Variants in CCDC30 observed in about 807,000 individuals in gnomAD.
The protein encoded by CCDC30 is coiled-coil domain-containing protein 30.
CCDC30 carries 70 observed loss-of-function variants against 100.2 expected under a neutral mutation model. The observed-to-expected ratio is 0.70, with a 90% CI of 0.58 to 0.85. CCDC30 has a LOEUF of 0.85. Ranked by LOEUF, CCDC30 falls within the 40% of genes least tolerant of loss-of-function variation. CCDC30 has a pLI of 0.00. For missense variants in CCDC30, 652 were observed against 771.2 expected (o/e 0.85, Z 1.83); for synonymous variants, 233 against 269.5 (o/e 0.86, Z 1.33).
intron 3 of CCDC30, among the ~76,000 whole-genome samples, chr1:42,489,386 T>A (rs1310722905): frequency 1.3e-5 from 2 of 152,202 alleles, no homozygotes; most frequent in Admixed American, 1.3e-4. Flanking sequence ...ATTGCTATAG[T>A]TAGGAATGCA....
intron 6 of CCDC30, among the ~76,000 whole-genome samples, chr1:42,552,558 T>C (rs1371845799): frequency 6.6e-6 from 1 of 152,132 alleles, no homozygotes; most frequent in Non-Finnish European, 1.5e-5. Context: ...CACCAATTCA[T>C]GGATTTTCCA....
intron 15 of CCDC30, among the ~76,000 whole-genome samples, chr1:42,647,355 T>C (rs553593020): frequency 2.6e-5 from 4 of 152,300 alleles, no homozygotes; most frequent in African/African-American, 9.6e-5. Flanking sequence ...GTAACCTATA[T>C]AATGATAAAA....
intron 6 of CCDC30, among the ~76,000 whole-genome samples, chr1:42,561,254 C>T (rs143540353): frequency 2.7e-4 from 41 of 152,280 alleles, no homozygotes; most frequent in African/African-American, 9.9e-4. Flanking sequence ...AAAACTTATC[C>T]ACCACAATTA....
chr1:42,611,210 T>C, intron 11 of CCDC30, 120 bp downstream of exon 15: 1 of 554,552 alleles, frequency 1.8e-6, no homozygotes, highest in South Asian at 2.9e-5. Context: ...AGGGCCATCA[T>C]AAAATTCCTA....
the CCDC30 span, chr1:42,456,502 A>C: frequency 7.1e-7 from 1 of 1,417,820 alleles, no homozygotes; most frequent in Non-Finnish European, 9.2e-7. Flanking sequence ...TACACCAGGT[A>C]GGCGAGAAGG....
At chr1:42,520,977 T>C (rs1644633641) in intron 6 of CCDC30, among the ~76,000 whole-genome samples, 1 of 96,650 alleles carries the variant, frequency 1.0e-5, no homozygotes, top group South Asian at 4.6e-4. Context: ...TTTTCTTTTT[T>C]CTTTTTTTTT....
At chr1:42,592,358 GC>G (rs1436189827) in intron 10 of CCDC30, 1 of 152,094 alleles carries the variant, frequency 6.6e-6, no homozygotes, top group Admixed American at 6.6e-5. Context: ...CTCATTAATG[GC>G]CTGGTGCTGT....
chr1:42,631,223 A>G (rs942403059), intron 11 of CCDC30, among the ~76,000 whole-genome samples: 2 of 152,212 alleles, frequency 1.3e-5, no homozygotes, highest in Non-Finnish European at 2.9e-5. Context: ...TGGTAGAGGT[A>G]CTGCCTTAAT....
At chr1:42,619,326 C>T (rs574229712) in intron 11 of CCDC30, among the ~76,000 whole-genome samples, 7 of 152,256 alleles carry the variant, frequency 4.6e-5, no homozygotes, top group African/African-American at 7.2e-5. Flanking sequence ...CCTGCAAAAA[C>T]GCATTTAAGG....
At chr1:42,645,631 A>G (rs917880939) in intron 14 of CCDC30, among the ~76,000 whole-genome samples, 6 of 152,072 alleles carry the variant, frequency 3.9e-5, no homozygotes, top group Non-Finnish European at 8.8e-5. Flanking sequence ...GTTTGGTCTC[A>G]GAGAGGTGAT....
intron 15 of CCDC30, 58 bp downstream of exon 19, chr1:42,646,375 C>G: frequency 7.5e-7 from 1 of 1,339,918 alleles, no homozygotes; most frequent in East Asian, 2.9e-5. Flanking sequence ...GCCAGGCACC[C>G]ACTGTTTGGA....
intron 9 of CCDC30, among the ~76,000 whole-genome samples, chr1:42,582,649 C>G (rs1231640740): frequency 6.6e-6 from 1 of 152,144 alleles, no homozygotes; most frequent in Non-Finnish European, 1.5e-5. Flanking sequence ...ATTTGGCTTT[C>G]TAGAAAGTCA....
chr1:42,478,652 G>A (rs763102845), intron 1 of CCDC30, among the ~76,000 whole-genome samples: 5 of 152,016 alleles, frequency 3.3e-5, no homozygotes, highest in Non-Finnish European at 7.4e-5. Flanking sequence ...TCAGTTACTC[G>A]GGAGGCAGAG....
chr1:42,573,053 G>C (rs1328079735), intron 7 of CCDC30, among the ~76,000 whole-genome samples: 1 of 152,050 alleles, frequency 6.6e-6, no homozygotes, highest in Non-Finnish European at 1.5e-5. Context: ...TTTTCACCTT[G>C]TTCTTCTTTT....
At chr1:42,548,409 G>A (rs778162342) in intron 6 of CCDC30, among the ~76,000 whole-genome samples, 1 of 151,996 alleles carries the variant, frequency 6.6e-6, no homozygotes, top group Non-Finnish European at 1.5e-5. Context: ...AAGACAATGG[G>A]GTAAGAGAGT....
At chr1:42,546,398 A>AT (rs1645137508) in intron 6 of CCDC30, among the ~76,000 whole-genome samples, 15 of 22,752 alleles carry the variant, frequency 6.6e-4, no homozygotes, top group African/African-American at 2.1e-3. Context: ...AAAAAAAAAA[A>AT]AATATATATA....
intron 6 of CCDC30, among the ~76,000 whole-genome samples, chr1:42,565,410 CA>C (rs1274643048): frequency 6.6e-6 from 1 of 152,164 alleles, no homozygotes; most frequent in Non-Finnish European, 1.5e-5. Context: ...AGAAGATGTG[CA>C]AAAGGCCAAC....
At chr1:42,486,777 C>T (rs1013083796) in intron 3 of CCDC30, among the ~76,000 whole-genome samples, 59 of 152,224 alleles carry the variant, frequency 3.9e-4, no homozygotes, top group African/African-American at 1.3e-3. Context: ...CATCACCAAA[C>T]CTGGGGGTGA....
intron 4 of CCDC30, among the ~76,000 whole-genome samples, chr1:42,494,160 T>C (rs910501036): frequency 6.6e-6 from 1 of 152,170 alleles, no homozygotes; most frequent in Non-Finnish European, 1.5e-5. Context: ...AAAACAGATA[T>C]AGATCAATGG....
Sources: allele counts gnomAD v4.1 joint callset (sites outside exome capture counted in the v4.1 genomes callset), GRCh38; gene constraint gnomAD v4.1.1; transcripts MANE v1.5; gene names NCBI Gene and HGNC (gene_info 2026-07-23, HGNC 2026-07-21).